Variants in DTX1 observed in about 807,000 individuals in gnomAD.
DTX1 encodes deltex E3 ubiquitin ligase 1, also known as E3 ubiquitin-protein ligase DTX1.
DTX1 carries 26 observed loss-of-function variants against 57.8 expected under a neutral mutation model. The observed-to-expected ratio is 0.45, with a 90% CI of 0.33 to 0.62. DTX1 has a LOEUF of 0.62. Among genes scored for constraint, DTX1 ranks in the 20% least tolerant of loss-of-function variants. DTX1 has a pLI of 0.02. For missense variants in DTX1, 704 were observed against 895.3 expected (o/e 0.79, Z 2.73); for synonymous variants, 398 against 394.1 (o/e 1.01, Z -0.12).
chr12:113,077,500 G>GTTTTTTTTC lies in DTX1; in HGVS notation c.336_337insTTTTTTTTC (p.Glu112_Asn113insPhePhePhe), dbSNP rs1474981586. 1 of 1,612,524 alleles carries GTTTTTTTTC rather than the reference G, an allele frequency of 6.2e-7. No homozygotes were observed. ...GCAAGGGCATCGTGTGGGAGTGGGA[G>GTTTTTTTTC]AACGACGGCGGCGCATGGACGGCCT... On this transcript the variant is annotated inframe_insertion, in exon 3 of 10. Transcript: ENST00000548759. This position sits in a 1 kb window ranked among gnomAD's most constrained non-coding sequence, Gnocchi z 7.8.
At chr12:113,090,699 G>C (rs1463396468) in intron 3 of DTX1, among the ~76,000 whole-genome samples, 1 of 152,196 alleles carries the variant, frequency 6.6e-6, no homozygotes, top group Non-Finnish European at 1.5e-5. Context: ...CCTCTCCACA[G>C]CCCTCAGAGG....
At chr12:113,057,181 C>T (rs1049625269) in intron 1 of DTX1, among the ~76,000 whole-genome samples, 10 of 152,040 alleles carry the variant, frequency 6.6e-5, no homozygotes, top group Admixed American at 5.9e-4. Flanking sequence ...GGCATCCCCC[C>T]GGCAGGGCGA....
At chr12:113,066,450 C>T in intron 2 of DTX1, among the ~76,000 whole-genome samples, 1 of 151,936 alleles carries the variant, frequency 6.6e-6, no homozygotes, top group Non-Finnish European at 1.5e-5. Context: ...ATCACTTGAA[C>T]CCGGGAGGTG....
chr12:113,092,003 T>G (rs1275308498), intron 3 of DTX1, among the ~76,000 whole-genome samples: 1 of 152,232 alleles, frequency 6.6e-6, no homozygotes, highest in Non-Finnish European at 1.5e-5. Context: ...ACTGTACACA[T>G]CACCGCAAGC....
At chr12:113,072,292 A>T (rs1234094750) in intron 2 of DTX1, among the ~76,000 whole-genome samples, 1 of 152,234 alleles carries the variant, frequency 6.6e-6, no homozygotes, top group Non-Finnish European at 1.5e-5. Flanking sequence ...AAAGTGATCT[A>T]CCAATGAGGA....
chr12:113,093,832 T>TTC lies in DTX1; in HGVS notation c.1165+132_1165+133insTC. On this transcript the variant is annotated intron_variant, in intron 5 of 9. Coordinates refer to ENST00000548759, the MANE Select transcript of DTX1 (RefSeq NM_004416.3). This position sits in a 1 kb window ranked among gnomAD's most constrained non-coding sequence, Gnocchi z 4.2. ...TCCATTGCCTGATCTCAGCTCCCCTTGCCCTGGCCCCATCTTTCACCAGCT... is the reference window on the plus strand; with the variant it reads ...TCCATTGCCTGATCTCAGCTCCCCTTTCGCCCTGGCCCCATCTTTCACCAGCT... 6.9e-7 allele frequency: 1 copy of TTC among 1,452,236 alleles called. No homozygotes were observed. The highest frequency in any genetic ancestry group is 9.4e-7 in the Non-Finnish European group (1 of 1,069,372). The allele number at this position is 1,452,236 out of a possible 1,614,324, so 90.0% of individuals were successfully genotyped here.
Position 113,093,061 on chromosome 12 carries a change from G to C in DTX1, c.942-101G>C. 1.7e-6 allele frequency: 2 copies of C among 1,192,428 alleles called. No homozygotes were observed. The highest frequency in any genetic ancestry group is 2.4e-6 in the Non-Finnish European group (2 of 829,640). 73.9% of individuals were successfully genotyped at this position (1,192,428 alleles called of 1,614,324 possible). A position where few individuals can be genotyped will look rare whatever the true frequency, so the allele number is the denominator to read the frequency against. On this transcript the variant is annotated intron_variant, in intron 3 of 9. Transcript: ENST00000548759. This position sits in a 1 kb window ranked among gnomAD's most constrained non-coding sequence, Gnocchi z 4.2. Reference sequence around the variant, plus strand: ...TTGGCAGAGAGGTACAAAGAGGCCAGGGTGTGTGGCCCAGGAGCCAGAGAC... The same window carrying C: ...TTGGCAGAGAGGTACAAAGAGGCCACGGTGTGTGGCCCAGGAGCCAGAGAC...
chr12:113,058,345 G>A lies in DTX1; in HGVS notation c.153G>A (p.Val51=), dbSNP rs201619192. 1.2e-6 allele frequency: 2 copies of A among 1,613,430 alleles called. No homozygotes were observed. Among genetic ancestry groups the A allele is most frequent in the Non-Finnish European group, 1.7e-6 (2 of 1,180,028 alleles). The change falls in exon 2 of 10, where the codon GTG becomes GTA. Residue 51 remains valine, a synonymous_variant. Transcript: ENST00000548759. The stretch of plus-strand genomic sequence containing the variant: ...CCGTGTGCCACCACATTGAGAACGT[G>A]CTGAAGGAGGACGCTCGCGGTTCCG... ...TATVCHHIEN[V]LKEDARGSVV... is the part of the protein sequence containing the mutation.
chr12:113,061,496 A>G (rs1454036182), intron 2 of DTX1, among the ~76,000 whole-genome samples: 1 of 152,184 alleles, frequency 6.6e-6, no homozygotes, highest in Non-Finnish European at 1.5e-5. Flanking sequence ...CTGAGTGCCA[A>G]CGGTGTGACC....
chr12:113,072,028 G>A (rs747022650), intron 2 of DTX1, among the ~76,000 whole-genome samples: 6 of 152,174 alleles, frequency 3.9e-5, no homozygotes, highest in Non-Finnish European at 8.8e-5. Flanking sequence ...GCTGGCCAAC[G>A]CTGATGTTGA....
intron 3 of DTX1, among the ~76,000 whole-genome samples, chr12:113,088,255 C>T (rs1950219531): frequency 6.6e-6 from 1 of 152,228 alleles, no homozygotes; most frequent in African/African-American, 2.4e-5. Flanking sequence ...TGTGCCATCT[C>T]TGCTCCAGGG....
At chr12:113,076,400 T>C (rs920282778) in intron 2 of DTX1, among the ~76,000 whole-genome samples, 28 of 150,386 alleles carry the variant, frequency 1.9e-4, no homozygotes, top group African/African-American at 6.1e-4. Flanking sequence ...GGAGATTGCA[T>C]TGAGCCTAGA....
intron 2 of DTX1, among the ~76,000 whole-genome samples, chr12:113,061,123 C>A (rs965554783): frequency 2.0e-5 from 3 of 152,182 alleles, no homozygotes; most frequent in African/African-American, 7.2e-5. Context: ...CTCACTGGAT[C>A]CCCCAGAAGT....
At position 113,058,272 on chromosome 12, in the gene DTX1, T is replaced by C; in HGVS notation, c.80T>C (p.Val27Ala). Residue 27 changes from valine (V) to alanine (A), a missense_variant, in exon 2 of 10, where the codon GTG becomes GCG. By Grantham distance (64) the Val-to-Ala change is moderately conservative. This residue lies in a region of DTX1 where 237 missense variants were observed against 328.6 expected (regional missense o/e 0.72). Coordinates refer to ENST00000548759, the MANE Select transcript of DTX1 (RefSeq NM_004416.3). ...FPPQNVARVV[V>A]WEWLNEHSRW... is the part of the protein sequence containing the mutation. ...CCGCAGAACGTGGCCCGGGTGGTGG[T>C]GTGGGAGTGGCTGAATGAGCACAGC... The C allele has an allele frequency of 2.5e-6, 4 of 1,612,884 alleles. No homozygotes were observed. Among genetic ancestry groups the C allele is most frequent in the Non-Finnish European group, 3.4e-6 (4 of 1,179,852 alleles).
chr12:113,094,685 A>T, intron 6 of DTX1, 104 bp from the exon 7 acceptor site: 1 of 1,433,362 alleles, frequency 7.0e-7, no homozygotes, highest in Non-Finnish European at 9.4e-7. Flanking sequence ...TGGGTACCAG[A>T]GAGAGTGTGG....
intron 3 of DTX1, among the ~76,000 whole-genome samples, chr12:113,085,578 C>T (rs867180004): frequency 6.6e-6 from 1 of 152,216 alleles, no homozygotes; most frequent in Non-Finnish European, 1.5e-5. Context: ...TTTATTGCTT[C>T]CTTATTAATT....
Position 113,058,392 on chromosome 12 carries a change from C to A in DTX1, c.200C>A (p.Ala67Asp). ...RGSVVLGQVD[A>D]QLVPYIIDLQ... ...TCCGTGGTCCTGGGGCAGGTGGACG[C>A]CCAGCTTGTGCCCTACATCATCGAC... The change falls in exon 2 of 10, where the codon GCC becomes GAC. Residue 67 changes from alanine (A) to aspartate (D), a missense_variant. Ala to Asp is a moderately radical substitution (Grantham distance 126, BLOSUM62 -2). Transcript: ENST00000548759. 6.2e-7 allele frequency: 1 copy of A among 1,609,202 alleles called. No individual in the cohort carries two copies. The highest frequency in any genetic ancestry group is 8.5e-7 in the Non-Finnish European group (1 of 1,179,946).
At chr12:113,085,430 TAA>T (rs1003111276) in intron 3 of DTX1, among the ~76,000 whole-genome samples, 1 of 152,252 alleles carries the variant, frequency 6.6e-6, no homozygotes, top group African/African-American at 2.4e-5. Context: ...TGATAATTCC[TAA>T]AGAGACGTCA....
intron 3 of DTX1, among the ~76,000 whole-genome samples, chr12:113,084,078 G>T (rs1413716768): frequency 6.6e-6 from 1 of 152,236 alleles, no homozygotes; most frequent in African/African-American, 2.4e-5. Context: ...CAGAGAGGGG[G>T]ATTGGCTCAT....
Sources: gnomAD v4.1 joint callset for allele counts (sites outside exome capture counted in the v4.1 genomes callset) on GRCh38, gnomAD v4.1.1 for gene constraint, gnomAD v4.1.1 regional missense constraint, Gnocchi (gnomAD v3.1) non-coding constraint, MANE v1.5 for transcripts, NCBI Gene and HGNC (gene_info 2026-07-23, HGNC 2026-07-21) for gene names.